The following PDE11A variants were observed in gnomAD, a reference collection of about 807,000 sequenced individuals.
PDE11A encodes the protein dual 3',5'-cyclic-AMP and -GMP phosphodiesterase 11A.
Under a neutral mutation model 100.5 loss-of-function variants are expected in PDE11A, and 100 were observed. That is an observed-to-expected ratio of 1.00 (90% CI 0.85 to 1.18). The LOEUF is 1.18. Among genes scored for constraint, PDE11A ranks in the 50% most tolerant of loss-of-function variants. The pLI, the probability that PDE11A is intolerant of heterozygous loss-of-function variation, is 0.00. For missense variants in PDE11A, 1,141 were observed against 1,152.6 expected, an observed-to-expected ratio of 0.99 and a Z score of 0.15; for synonymous variants, 381 against 420.8, an observed-to-expected ratio of 0.91 and a Z score of 1.16.
chr2:177,880,430 T>C (rs1457626194), intron 4 of PDE11A, among the ~76,000 whole-genome samples: 1 of 152,174 alleles, frequency 6.6e-6, no homozygotes, highest in East Asian at 1.9e-4. Flanking sequence ...TCATGCATCT[T>C]GTCACACATG....
intron 19 of PDE11A, among the ~76,000 whole-genome samples, chr2:177,659,448 C>T (rs994007578): frequency 2.6e-5 from 4 of 152,074 alleles, no homozygotes; most frequent in African/African-American, 9.7e-5. Flanking sequence ...AGATGCTGGC[C>T]AGGTCACATC....
At chr2:177,878,165 A>G (rs1233275509) in intron 4 of PDE11A, among the ~76,000 whole-genome samples, 1 of 152,246 alleles carries the variant, frequency 6.6e-6, no homozygotes, top group African/African-American at 2.4e-5. Flanking sequence ...TGACAACTAT[A>G]GAACATATTT....
intron 9 of PDE11A, among the ~76,000 whole-genome samples, chr2:177,777,224 A>C (rs557167668): frequency 6.7e-6 from 1 of 150,166 alleles, no homozygotes; most frequent in Admixed American, 6.6e-5. Context: ...TAAGAAAATA[A>C]ATATTTGTTG....
intron 1 of PDE11A, among the ~76,000 whole-genome samples, chr2:178,047,664 A>C (rs558918888): frequency 1.2e-4 from 19 of 152,326 alleles, no homozygotes; most frequent in Middle Eastern, 3.4e-3. Flanking sequence ...TGAGCAGATC[A>C]GACATGAGCC....
intron 10 of PDE11A, among the ~76,000 whole-genome samples, chr2:177,732,084 A>T (rs2081700494): frequency 6.6e-6 from 1 of 152,212 alleles, no homozygotes; most frequent in Non-Finnish European, 1.5e-5. Context: ...ACTCAGAGGG[A>T]AGCCAGCCTT....
intron 10 of PDE11A, among the ~76,000 whole-genome samples, chr2:177,740,433 T>C (rs1304720489): frequency 6.6e-6 from 1 of 152,220 alleles, no homozygotes; most frequent in Non-Finnish European, 1.5e-5. Context: ...GTATCAAGCA[T>C]TGTGCTAAGT....
intron 10 of PDE11A, among the ~76,000 whole-genome samples, chr2:177,743,907 C>A (rs2081910794): frequency 6.6e-6 from 1 of 152,112 alleles, no homozygotes; most frequent in Admixed American, 6.5e-5. Context: ...AAATCTCTGC[C>A]AGCCTTGACT....
At chr2:177,949,044 A>G (rs76933724) in intron 2 of PDE11A, among the ~76,000 whole-genome samples, 5 of 152,334 alleles carry the variant, frequency 3.3e-5, no homozygotes, top group African/African-American at 1.2e-4. Flanking sequence ...AAACTAATAT[A>G]AAACATCTTA....
At chr2:177,708,361 C>T (rs892984825) in intron 13 of PDE11A, among the ~76,000 whole-genome samples, 2 of 152,156 alleles carry the variant, frequency 1.3e-5, no homozygotes, top group Admixed American at 6.5e-5. Flanking sequence ...AGGCTATTAT[C>T]CTTAGCAAAC....
intron 4 of PDE11A, among the ~76,000 whole-genome samples, chr2:177,881,309 T>C (rs903626801): frequency 4.7e-5 from 7 of 150,308 alleles, no homozygotes; most frequent in African/African-American, 1.5e-4. Flanking sequence ...CTAGAATAAA[T>C]ATCTTTATCT....
chr2:177,994,434 T>G (rs1333712869), intron 2 of PDE11A, among the ~76,000 whole-genome samples: 1 of 152,220 alleles, frequency 6.6e-6, no homozygotes, highest in Non-Finnish European at 1.5e-5. Context: ...TACAAACATT[T>G]TACATCATTG....
chr2:177,905,605 G>T (rs1445442609), intron 2 of PDE11A, among the ~76,000 whole-genome samples: 1 of 152,202 alleles, frequency 6.6e-6, no homozygotes, highest in African/African-American at 2.4e-5. Flanking sequence ...TCTTTCGTTG[G>T]CATATGGCAT....
chr2:177,914,519 T>C (rs1407748321), intron 2 of PDE11A, among the ~76,000 whole-genome samples: 1 of 152,180 alleles, frequency 6.6e-6, no homozygotes, highest in East Asian at 1.9e-4. Context: ...TCCATCTGCC[T>C]TTGTAACTCA....
intron 3 of PDE11A, among the ~76,000 whole-genome samples, chr2:177,903,858 G>A (rs2084736348): frequency 1.3e-5 from 2 of 152,180 alleles, no homozygotes; most frequent in African/African-American, 4.8e-5. Flanking sequence ...CTGGAAATTG[G>A]GGACTATATT....
chr2:177,643,864 A>G (rs1198368153), intron 19 of PDE11A, among the ~76,000 whole-genome samples: 1 of 152,252 alleles, frequency 6.6e-6, no homozygotes, highest in African/African-American at 2.4e-5. Context: ...AAAGGGGCCA[A>G]GGTACAGCTT....
At chr2:178,004,840 CTA>C (rs2086185867) in intron 2 of PDE11A, among the ~76,000 whole-genome samples, 1 of 152,196 alleles carries the variant, frequency 6.6e-6, no homozygotes, top group African/African-American at 2.4e-5. Flanking sequence ...TACAGCCTGG[CTA>C]TGTCAGGTTA....
At chr2:178,092,460 A>G (rs949488430) in intron 2 of PDE11A, 2 of 152,220 alleles carry the variant, frequency 1.3e-5, no homozygotes, top group African/African-American at 2.4e-5. Flanking sequence ...TAAACGTGCA[A>G]TTTTTGAAAT....
chr2:177,713,945 A>T lies in PDE11A; in HGVS notation c.2044-2067T>A, dbSNP rs59691578. On this transcript the variant is annotated intron_variant, in intron 12 of 19. Coordinates refer to ENST00000286063, the MANE Select transcript of PDE11A (RefSeq NM_016953.4). ...GCAACTACTTTCTATTTTCTTTTTC[A>T]CCTAAATTCGTAGTTTTCCCACCAT... is the stretch of plus-strand genomic sequence containing the variant. 9.2e-3 allele frequency among the ~76,000 whole-genome samples: 1,243 copies of T among 135,778 alleles called. 19 individuals are homozygous for T. The highest frequency in any genetic ancestry group is 0.031 in the African/African-American group (1,174 of 37,346). The allele number at this position is 135,778 out of a possible 152,430, so 89.1% of individuals were successfully genotyped here.
At chr2:177,839,283 T>C (rs2083450458) in intron 6 of PDE11A, among the ~76,000 whole-genome samples, 1 of 152,294 alleles carries the variant, frequency 6.6e-6, no homozygotes, top group South Asian at 2.1e-4. Flanking sequence ...TCCAGAGCCA[T>C]AGAGCAGCTC....
Sources: allele counts gnomAD v4.1 joint callset (sites outside exome capture counted in the v4.1 genomes callset), GRCh38; gene constraint gnomAD v4.1.1; transcripts MANE v1.5; gene names NCBI Gene and HGNC (gene_info 2026-07-23, HGNC 2026-07-21).